PRMT8: variants seen among roughly 807,000 people sequenced by gnomAD.
PRMT8 encodes the protein protein arginine methyltransferase 8.
Under a neutral mutation model 47.1 loss-of-function variants are expected in PRMT8, and 7 were observed. The ratio of observed to expected loss-of-function variants is 0.15; its 90% CI spans 0.08 to 0.28. PRMT8 has a LOEUF of 0.28. PRMT8 is among the 10% of genes least tolerant of loss of function. The probability of loss-of-function intolerance (pLI) is 1.00; values close to 1 mark genes in which losing one functional copy is unlikely to be tolerated. For missense variants in PRMT8, 237 were observed against 505.4 expected (o/e 0.47, Z 5.09); for synonymous variants, 188 against 186.5 (o/e 1.01, Z -0.07).
At chr12:3,573,027 G>T (rs999423973) in intron 6 of PRMT8, among the ~76,000 whole-genome samples, 1 of 152,098 alleles carries the variant, frequency 6.6e-6, no homozygotes, top group Non-Finnish European at 1.5e-5. Flanking sequence ...TGGATGGATT[G>T]TTTCGTTAGT....
Position 3,540,617 on chromosome 12 carries a change from C to CCCGA in PRMT8, c.89_90insGACC (p.Ser31ThrfsTer12). The CCCGA allele has an allele frequency of 8.8e-7, 1 of 1,137,504 alleles. No homozygotes were observed. Among genetic ancestry groups the CCCGA allele is most frequent in the Non-Finnish European group, 1.3e-6 (1 of 756,918 alleles). 70.5% of individuals were successfully genotyped at this position (1,137,504 alleles called of 1,614,324 possible). On this transcript the variant is annotated frameshift_variant, in exon 2 of 10. Coordinates refer to ENST00000382622, the MANE Select transcript of PRMT8 (RefSeq NM_019854.5). LOFTEE classifies it high-confidence loss of function. ...TCTCTTCCCCTCAGGTGAACAGCCC[C>CCCGA]CCCTCCCAGCCCCCCCAGCCCGTCG...
chr12:3,569,602 C>T lies in PRMT8; in HGVS notation c.712+38C>T. 6.4e-7 allele frequency: 1 copy of T among 1,563,280 alleles called. No individual in the cohort carries two copies. The highest frequency in any genetic ancestry group is 8.8e-7 in the Non-Finnish European group (1 of 1,133,746). On this transcript the variant is annotated intron_variant, in intron 6 of 9. Transcript: ENST00000382622. This position sits in a 1 kb window ranked among gnomAD's most constrained non-coding sequence, Gnocchi z 8.2. ...TTGCTTCTCCGGTGGACTTCCACTG[C>T]ACAATTGGGGTGGGAGGCACTCCAG...
intron 1 of PRMT8, among the ~76,000 whole-genome samples, chr12:3,474,035 G>T (rs979269246): frequency 1.3e-5 from 2 of 152,146 alleles, no homozygotes; most frequent in Non-Finnish European, 2.9e-5. Flanking sequence ...TGGGTTTGTG[G>T]ATTCCCCCAG....
At chr12:3,577,368 G>C (rs1034731213) in intron 7 of PRMT8, among the ~76,000 whole-genome samples, 2 of 152,228 alleles carry the variant, frequency 1.3e-5, no homozygotes, top group African/African-American at 4.8e-5. Flanking sequence ...CAGGACCTCA[G>C]TATGCTGTGT....
At chr12:3,577,051 C>A in intron 7 of PRMT8, 65 bp downstream of exon 7, 2 of 1,366,384 alleles carry the variant, frequency 1.5e-6, no homozygotes, top group Non-Finnish European at 1.0e-6. Context: ...CCCTGGAGTC[C>A]AGGCAATGCC....
chr12:3,386,687 A>G (rs908533374), intron 1 of PRMT8, among the ~76,000 whole-genome samples: 3 of 151,884 alleles, frequency 2.0e-5, no homozygotes, highest in African/African-American at 4.8e-5. Flanking sequence ...CAAGGTGTTC[A>G]TATGCTTGTC....
chr12:3,510,153 C>G (rs938255296), intron 1 of PRMT8, among the ~76,000 whole-genome samples: 4 of 152,222 alleles, frequency 2.6e-5, no homozygotes, highest in African/African-American at 9.6e-5. Flanking sequence ...GAGATCTGAA[C>G]TGTCCTGAGG....
intron 1 of PRMT8, among the ~76,000 whole-genome samples, chr12:3,540,029 C>G (rs1866192059): frequency 6.6e-6 from 1 of 152,180 alleles, no homozygotes; most frequent in South Asian, 2.1e-4. Flanking sequence ...CTAACAAACT[C>G]TTACTATATG....
intron 1 of PRMT8, among the ~76,000 whole-genome samples, chr12:3,469,498 C>G (rs1171182718): frequency 6.6e-6 from 1 of 152,094 alleles, no homozygotes; most frequent in African/African-American, 2.4e-5. Flanking sequence ...GATTCCATTT[C>G]CATGAAAATG....
Position 3,576,949 on chromosome 12 carries a change from A to T in PRMT8, c.791A>T (p.Asp264Val). The change falls in exon 7 of 10, where the codon GAT becomes GTT. Residue 264 changes from aspartate to valine, a missense_variant. Around this residue, in one of 5 missense-constraint regions of PRMT8, gnomAD observed 151 missense variants for 341.1 expected, o/e 0.44. Coordinates refer to ENST00000382622, the MANE Select transcript of PRMT8 (RefSeq NM_019854.5). This position sits in a 1 kb window ranked among gnomAD's most constrained non-coding sequence, Gnocchi z 4.0. ...AAGGAGCCTCTAGTGGACATCGTGG[A>T]TCCAAAGCAAGTGGTGACCAATGCC... ...AMKEPLVDIV[D>V]PKQVVTNACL... 6.2e-7 allele frequency: 1 copy of T among 1,614,134 alleles called. No individual in the cohort carries two copies. Among genetic ancestry groups the T allele is most frequent in the Non-Finnish European group, 8.5e-7 (1 of 1,180,008 alleles).
At chr12:3,512,490 G>A (rs113785267) in intron 1 of PRMT8, among the ~76,000 whole-genome samples, 16 of 152,220 alleles carry the variant, frequency 1.1e-4, no homozygotes, top group African/African-American at 3.9e-4. Flanking sequence ...TTGTCTGCCT[G>A]TCTCATGGAG....
rs140620402 is a variant in PRMT8 at position 3,382,924 on chromosome 12, T to C, written c.48+1482T>C. Among the ~76,000 whole-genome samples, 35 of 152,324 alleles carry C rather than the reference T, an allele frequency of 2.3e-4. 1 individual carries two copies. The East Asian group carries it at 6.4e-3, about 28-fold the overall frequency. ...AGGGGAAGGGAGCTTTTTTCTCTTG[T>C]AGGAATCCAATTGCTCCAGTACCAT... On this transcript the variant is annotated intron_variant, in intron 1 of 9. Coordinates refer to the PRMT8 transcript ENST00000452611.
At chr12:3,447,562 C>T (rs746184091) in intron 1 of PRMT8, among the ~76,000 whole-genome samples, 10 of 152,250 alleles carry the variant, frequency 6.6e-5, no homozygotes, top group South Asian at 4.1e-4. Flanking sequence ...ATCTCTTTCT[C>T]AGGAAGCCTG....
intron 1 of PRMT8, among the ~76,000 whole-genome samples, chr12:3,477,119 C>T (rs899726037): frequency 2.6e-5 from 4 of 152,168 alleles, no homozygotes; most frequent in African/African-American, 4.8e-5. Flanking sequence ...GACCAACTGA[C>T]GCTCTTGAAA....
chr12:3,586,466 G>A (rs1428097918), intron 8 of PRMT8, among the ~76,000 whole-genome samples: 1 of 152,182 alleles, frequency 6.6e-6, no homozygotes, highest in African/African-American at 2.4e-5. Flanking sequence ...CTTTTGCACA[G>A]AATTCTACAA....
At chr12:3,477,990 G>A (rs1865231872) in intron 1 of PRMT8, among the ~76,000 whole-genome samples, 1 of 152,124 alleles carries the variant, frequency 6.6e-6, no homozygotes, top group South Asian at 2.1e-4. Flanking sequence ...GGCTAGGGGA[G>A]GATGGTCCTC....
chr12:3,397,789 G>A (rs1864271857), intron 1 of PRMT8, among the ~76,000 whole-genome samples: 1 of 152,144 alleles, frequency 6.6e-6, no homozygotes, highest in Non-Finnish European at 1.5e-5. Flanking sequence ...CCCGGGCAAT[G>A]GCGGGCGCCC....
chr12:3,494,232 C>G (rs1865470053), intron 1 of PRMT8, among the ~76,000 whole-genome samples: 1 of 152,148 alleles, frequency 6.6e-6, no homozygotes, highest in Admixed American at 6.5e-5. Context: ...ACATGAGGAC[C>G]ACCTGGTCCC....
chr12:3,465,226 TAA>T (rs1190236698), intron 1 of PRMT8, among the ~76,000 whole-genome samples: 186 of 143,030 alleles, frequency 1.3e-3, no homozygotes, highest in African/African-American at 3.9e-3. Flanking sequence ...TTTATAAATA[TAA>T]AATATATATA....
Sources: allele counts gnomAD v4.1 joint callset (sites outside exome capture counted in the v4.1 genomes callset), GRCh38; gene constraint gnomAD v4.1.1; regional missense constraint gnomAD v4.1.1; non-coding constraint Gnocchi (gnomAD v3.1); transcripts MANE v1.5; gene names NCBI Gene and HGNC (gene_info 2026-07-23, HGNC 2026-07-21).